PRKAR1B: variants seen among roughly 807,000 people sequenced by gnomAD.
PRKAR1B encodes cAMP-dependent protein kinase type I-beta regulatory subunit.
A neutral mutation model predicts 46.5 loss-of-function variants in PRKAR1B; 22 were observed. That is an observed-to-expected ratio of 0.47 (90% CI 0.34 to 0.68). PRKAR1B has a LOEUF of 0.68. Among genes scored for constraint, PRKAR1B ranks in the 30% least tolerant of loss-of-function variants. PRKAR1B has a pLI of 0.01. For missense variants in PRKAR1B, 445 were observed against 535.6 expected (o/e 0.83, Z 1.67); for synonymous variants, 259 against 217.7 (o/e 1.19, Z -1.67).
At chr7:618,084 G>T (rs1042335067) in intron 4 of PRKAR1B, among the ~76,000 whole-genome samples, 3 of 152,072 alleles carry the variant, frequency 2.0e-5, no homozygotes, top group African/African-American at 7.2e-5. Flanking sequence ...CCCACCAGTG[G>T]TAAGTGCCGG....
chr7:569,917 A>T (rs1171423687), intron 9 of PRKAR1B, among the ~76,000 whole-genome samples: 1 of 152,226 alleles, frequency 6.6e-6, no homozygotes, highest in Non-Finnish European at 1.5e-5. Context: ...CCGCATGCAC[A>T]AAGTCCACAC....
intron 9 of PRKAR1B, among the ~76,000 whole-genome samples, chr7:564,473 G>A (rs1042620432): frequency 4.6e-5 from 7 of 152,228 alleles, no homozygotes; most frequent in Middle Eastern, 3.4e-3. Context: ...CCTGTGGCTC[G>A]GAGCTTTGCA....
chr7:579,526 C>T (rs1780061530), intron 8 of PRKAR1B, 149 bp from the exon 9 acceptor site: 8 of 1,078,822 alleles, frequency 7.4e-6, no homozygotes, highest in South Asian at 1.6e-5. Context: ...AAGATGAGGC[C>T]GTGACGCTGT....
chr7:590,947 G>T (rs1780939780), intron 7 of PRKAR1B, among the ~76,000 whole-genome samples: 1 of 152,110 alleles, frequency 6.6e-6, no homozygotes, highest in African/African-American at 2.4e-5. Flanking sequence ...GGATGCCCGG[G>T]GCAGTGGCAG....
chr7:554,632 G>T (rs1778304329), intron 9 of PRKAR1B, among the ~76,000 whole-genome samples: 1 of 150,984 alleles, frequency 6.6e-6, no homozygotes, highest in Non-Finnish European at 1.5e-5. Context: ...CCGGAAGACA[G>T]GGGAGGCCAC....
chr7:701,253 G>T (rs1037196268), intron 2 of PRKAR1B, among the ~76,000 whole-genome samples: 2 of 139,028 alleles, frequency 1.4e-5, no homozygotes, highest in African/African-American at 5.4e-5. Flanking sequence ...AGGAAGGAAA[G>T]AAAGAAAGAA....
In PRKAR1B at chr7:609,531, G is replaced by A. The variant is rs550512872; in HGVS notation, c.441-2079C>T. Among the ~76,000 whole-genome samples the A allele has an allele frequency of 5.3e-5, 8 of 152,234 alleles. No homozygotes were observed. In the East Asian group the frequency reaches 9.7e-4, roughly 18 times the overall value. ...GCTGCCTCCACCACCCTTGCTATGC[G>A]TCTCCACTTCACACATGGGCATCCG... On this transcript the variant is annotated intron_variant, in intron 4 of 10. Coordinates refer to ENST00000537384, the MANE Select transcript of PRKAR1B (RefSeq NM_001164760.2).
chr7:614,844 G>A lies in PRKAR1B; in HGVS notation c.441-7392C>T, dbSNP rs186996898. 4.0e-5 allele frequency among the ~76,000 whole-genome samples: 6 copies of A among 151,582 alleles called. No homozygotes were observed. The East Asian group carries it at 5.8e-4, about 15-fold the overall frequency. ...GGAGAATTGCTTGAACCTGGGAGGC[G>A]GAGGTTACCATGAGCTGAGATCGCA... On this transcript the variant is annotated intron_variant, in intron 4 of 10. Coordinates refer to ENST00000537384, the MANE Select transcript of PRKAR1B (RefSeq NM_001164760.2).
intron 4 of PRKAR1B, among the ~76,000 whole-genome samples, chr7:651,262 G>A (rs896363019): frequency 1.3e-5 from 2 of 152,224 alleles, no homozygotes; most frequent in African/African-American, 4.8e-5. Flanking sequence ...GGCAAACCAG[G>A]CTGTGCATGT....
intron 4 of PRKAR1B, among the ~76,000 whole-genome samples, chr7:675,120 G>A (rs564713289): frequency 2.8e-4 from 43 of 152,338 alleles, no homozygotes; most frequent in Non-Finnish European, 5.7e-4. Context: ...ATCGGAGCAC[G>A]GAGAAATCAG....
At chr7:588,571 TGAG>T (rs1780748562) in intron 7 of PRKAR1B, among the ~76,000 whole-genome samples, 1 of 150,524 alleles carries the variant, frequency 6.6e-6, no homozygotes, top group Non-Finnish European at 1.5e-5. Context: ...GTGATGTTGG[TGAG>T]GATAGTGACA....
chr7:581,780 A>C (rs1780200008), intron 8 of PRKAR1B, among the ~76,000 whole-genome samples: 1 of 152,044 alleles, frequency 6.6e-6, no homozygotes, highest in African/African-American at 2.4e-5. Context: ...CAGTGGCGTG[A>C]TCACGGCTCA....
At chr7:686,895 T>C (rs931034206) in intron 2 of PRKAR1B, among the ~76,000 whole-genome samples, 3 of 152,182 alleles carry the variant, frequency 2.0e-5, no homozygotes, top group Non-Finnish European at 4.4e-5. Flanking sequence ...CTGGAACTTA[T>C]GGCCTGCCTA....
intron 9 of PRKAR1B, among the ~76,000 whole-genome samples, chr7:574,095 G>A (rs969748636): frequency 5.3e-5 from 8 of 152,210 alleles, no homozygotes; most frequent in Admixed American, 2.0e-4. Flanking sequence ...ACGCACCCAC[G>A]ATCCACGCCC....
At chr7:673,475 C>A (rs1373146007) in intron 4 of PRKAR1B, among the ~76,000 whole-genome samples, 1 of 151,824 alleles carries the variant, frequency 6.6e-6, no homozygotes, top group Non-Finnish European at 1.5e-5. Context: ...CAGTGAAACC[C>A]CATCTCTACT....
chr7:687,870 C>A (rs1368210827), intron 2 of PRKAR1B, among the ~76,000 whole-genome samples: 1 of 151,580 alleles, frequency 6.6e-6, no homozygotes, highest in African/African-American at 2.4e-5. Flanking sequence ...CCGAGGCAGG[C>A]GGATCACCTG....
intron 2 of PRKAR1B, among the ~76,000 whole-genome samples, chr7:706,021 T>C (rs534372222): frequency 6.7e-6 from 1 of 149,864 alleles, no homozygotes; most frequent in East Asian, 2.0e-4. Flanking sequence ...AGTAAAACTC[T>C]GTCTCGAAAA....
At chr7:695,214 G>A (rs1779663933) in intron 2 of PRKAR1B, among the ~76,000 whole-genome samples, 1 of 152,154 alleles carries the variant, frequency 6.6e-6, no homozygotes. Flanking sequence ...TTTTGGGGCT[G>A]AAGACGTGGG....
Position 685,369 on chromosome 7 carries a change from T to C in PRKAR1B, c.178-4643A>G, listed in dbSNP as rs1416652236. On this transcript the variant is annotated intron_variant, in intron 2 of 10. Transcript: ENST00000537384. ...ATATGTATACATATATATATACACATATATATATATACATACATATATATA... is the reference window on the plus strand; with the variant it reads ...ATATGTATACATATATATATACACACATATATATATACATACATATATATA... 3.9e-3 allele frequency among the ~76,000 whole-genome samples: 106 copies of C among 27,208 alleles called. 15 individuals are homozygous for C. Among genetic ancestry groups the C allele is most frequent in the East Asian group, 0.014 (14 of 1,024 alleles). 17.8% of individuals were successfully genotyped at this position (27,208 alleles called of 152,430 possible).
Sources: gnomAD v4.1 joint callset for allele counts (sites outside exome capture counted in the v4.1 genomes callset) on GRCh38, gnomAD v4.1.1 for gene constraint, MANE v1.5 for transcripts, NCBI Gene and HGNC (gene_info 2026-07-23, HGNC 2026-07-21) for gene names.